The following BCL7C variants were observed in gnomAD, a reference collection of about 807,000 sequenced individuals.
BCL7C encodes the protein B-cell CLL/lymphoma 7 protein family member C.
Under a neutral mutation model 26.2 loss-of-function variants are expected in BCL7C, and 8 were observed. The ratio of observed to expected loss-of-function variants is 0.30; its 90% confidence interval spans 0.18 to 0.55. BCL7C has a LOEUF of 0.55. Ranked by LOEUF, BCL7C falls within the 20% of genes least tolerant of loss-of-function variation. The pLI is 0.93. For missense variants in BCL7C, 262 were observed against 298.5 expected (o/e 0.88, Z 0.90); for synonymous variants, 90 against 116.5 (o/e 0.77, Z 1.47).
chr16:30,856,006 G>A (rs2054717557), intron 5 of BCL7C, among the ~76,000 whole-genome samples: 1 of 146,806 alleles, frequency 6.8e-6, no homozygotes, highest in Non-Finnish European at 1.5e-5. Context: ...AGGTTGCATT[G>A]AGCCAAGATT....
chr16:30,845,196 C>A (rs946040372), intron 5 of BCL7C, among the ~76,000 whole-genome samples: 1 of 152,214 alleles, frequency 6.6e-6, no homozygotes, highest in Non-Finnish European at 1.5e-5. Context: ...CTTTCTCTAG[C>A]ACTGAACTCT....
At chr16:30,865,524 A>G (rs998632887) in intron 5 of BCL7C, among the ~76,000 whole-genome samples, 2 of 152,068 alleles carry the variant, frequency 1.3e-5, no homozygotes, top group Non-Finnish European at 2.9e-5. Context: ...GTTGCAGTGA[A>G]CTATGATTAT....
At position 30,834,842 on chromosome 16, in the gene BCL7C, G is replaced by T; in HGVS notation, c.*106C>A. On this transcript the variant is annotated 3_prime_UTR_variant, in exon 6 of 6. Transcript: ENST00000380317. This position sits in a 1 kb window ranked among gnomAD's most constrained non-coding sequence, Gnocchi z 4.3. Reference sequence around the variant, plus strand: ...CCGCTCGCCCTCCGATGTTACCGCGGTGGGTGAGCTGGGAAGCTCTTTCCG... The same window carrying T: ...CCGCTCGCCCTCCGATGTTACCGCGTTGGGTGAGCTGGGAAGCTCTTTCCG... 8.6e-7 allele frequency: 1 copy of T among 1,164,374 alleles called. No individual in the cohort carries two copies. The highest frequency in any genetic ancestry group is 3.0e-5 in the Admixed American group (1 of 33,190). 72.1% of individuals were successfully genotyped at this position (1,164,374 alleles called of 1,614,324 possible).
intron 5 of BCL7C, among the ~76,000 whole-genome samples, chr16:30,836,504 T>G (rs1302497543): frequency 6.8e-6 from 1 of 147,808 alleles, no homozygotes; most frequent in African/African-American, 2.5e-5. Flanking sequence ...AGACAGGTTC[T>G]CCCTTTGTTG....
At chr16:30,883,349 A>T (rs2055071254), downstream of BCL7C, among the ~76,000 whole-genome samples, 1 of 151,924 alleles carries the variant, frequency 6.6e-6, no homozygotes, top group Admixed American at 6.6e-5. Context: ...TAAATTTACC[A>T]TGTTCACTGT....
intron 5 of BCL7C, among the ~76,000 whole-genome samples, chr16:30,880,058 T>C (rs1304523881): frequency 6.6e-6 from 1 of 151,642 alleles, no homozygotes; most frequent in East Asian, 1.9e-4. Flanking sequence ...CTCGGGAAGC[T>C]TAGGTGGATC....
At position 30,858,997 on chromosome 16, in the gene BCL7C, T is replaced by C. The variant is rs140876845; in HGVS notation, c.529-23849A>G. ...TACAATACTACAAGCCAGGAGATAG[T>C]AGAATACAGATTGCTAAGAGAAAAG... On this transcript the variant is annotated intron_variant, in intron 5 of 5. Transcript: ENST00000380317. 7.9e-5 allele frequency among the ~76,000 whole-genome samples: 12 copies of C among 152,310 alleles called. 1 individual carries two copies. Among genetic ancestry groups the C allele is most frequent in the Middle Eastern group, 3.4e-3 (1 of 294 alleles).
At chr16:30,843,552 C>A (rs1267578473) in intron 5 of BCL7C, among the ~76,000 whole-genome samples, 1 of 150,940 alleles carries the variant, frequency 6.6e-6, no homozygotes. Context: ...CAGAGTGAGA[C>A]CCTGACTCAA....
At chr16:30,855,681 T>G (rs2054714339) in intron 5 of BCL7C, among the ~76,000 whole-genome samples, 1 of 152,106 alleles carries the variant, frequency 6.6e-6, no homozygotes. Flanking sequence ...TCCCAACAGT[T>G]TAGGAGGCTA....
intron 5 of BCL7C, among the ~76,000 whole-genome samples, chr16:30,857,769 G>C (rs1180317050): frequency 1.3e-5 from 2 of 151,896 alleles, no homozygotes; most frequent in Non-Finnish European, 2.9e-5. Context: ...TCAGGAGTTA[G>C]AGACCAGCCT....
At chr16:30,891,319 G>A (rs889506188) in intron 4 of BCL7C, among the ~76,000 whole-genome samples, 1 of 151,922 alleles carries the variant, frequency 6.6e-6, no homozygotes, top group East Asian at 1.9e-4. Context: ...AAAACCAGCC[G>A]AGCATGGTGG....
chr16:30,878,767 C>T (rs1402023682), intron 5 of BCL7C, among the ~76,000 whole-genome samples: 19 of 151,124 alleles, frequency 1.3e-4, no homozygotes, highest in Admixed American at 7.3e-4. Flanking sequence ...CACTTGAACC[C>T]GGGAGGCAGA....
chr16:30,837,130 G>A (rs1049596651), intron 5 of BCL7C, among the ~76,000 whole-genome samples: 6 of 151,572 alleles, frequency 4.0e-5, no homozygotes, highest in Non-Finnish European at 7.4e-5. Context: ...TTCAACTCTC[G>A]TCACTGAGTG....
downstream of BCL7C, among the ~76,000 whole-genome samples, chr16:30,884,017 T>C (rs1437462039): frequency 1.3e-5 from 2 of 149,704 alleles, no homozygotes; most frequent in East Asian, 2.0e-4. Context: ...CCCAGCTACT[T>C]GGGAGACTGA....
chr16:30,846,970 G>T (rs559361326), intron 5 of BCL7C, among the ~76,000 whole-genome samples: 112 of 152,354 alleles, frequency 7.4e-4, no homozygotes, highest in African/African-American at 2.7e-3. Flanking sequence ...TGACCAAGGA[G>T]CAAGGACTGT....
chr16:30,842,484 A>G (rs145862091), intron 5 of BCL7C, among the ~76,000 whole-genome samples: 346 of 152,334 alleles, frequency 2.3e-3, no homozygotes, highest in African/African-American at 8.2e-3. Flanking sequence ...TAAATAAAAT[A>G]AGGAATAATT....
rs55663737 is a variant in BCL7C, at chr16:30,844,348, C to CA, written c.529-9201dup. The stretch of plus-strand genomic sequence containing the variant: ...CTGGTGACAGAGTGAGACTCCGTCT[C>CA]AAAAAAAAAAAAAAAAAAAAAAAAA... On this transcript the variant is annotated intron_variant, in intron 5 of 5. Coordinates refer to the BCL7C transcript ENST00000380317. Among the ~76,000 whole-genome samples, 121 of 73,386 alleles carry CA rather than the reference C, an allele frequency of 1.6e-3. 1 individual carries two copies. Among genetic ancestry groups the CA allele is most frequent in the South Asian group, 6.7e-3 (10 of 1,496 alleles). 48.1% of individuals were successfully genotyped at this position (73,386 alleles called of 152,430 possible). A position where few individuals can be genotyped will look rare whatever the true frequency, so the allele number is the denominator to read the frequency against.
At chr16:30,882,398 G>A (rs1019101903) in intron 5 of BCL7C, among the ~76,000 whole-genome samples, 1 of 152,164 alleles carries the variant, frequency 6.6e-6, no homozygotes, top group African/African-American at 2.4e-5. Flanking sequence ...CAAGCAGACA[G>A]GGACCACTAC....
At chr16:30,885,511 C>T (rs2055119200), downstream of BCL7C, among the ~76,000 whole-genome samples, 1 of 151,400 alleles carries the variant, frequency 6.6e-6, no homozygotes, top group Non-Finnish European at 1.5e-5. Context: ...TCAAGCAGTT[C>T]TCCTGTCTCA....
Sources: gnomAD v4.1 joint callset for allele counts (sites outside exome capture counted in the v4.1 genomes callset) on GRCh38, gnomAD v4.1.1 for gene constraint, Gnocchi (gnomAD v3.1) non-coding constraint, MANE v1.5 for transcripts, NCBI Gene and HGNC (gene_info 2026-07-23, HGNC 2026-07-21) for gene names.